Variants in DDO observed in about 807,000 individuals in gnomAD.
DDO encodes the protein D-aspartate oxidase, also known as D-aspartate oxidase, DDO.
In DDO, 16 loss-of-function variants were observed where a neutral mutation model predicts 16.8. The observed-to-expected ratio is 0.95, with a 90% CI of 0.65 to 1.45. The LOEUF is 1.45. Among genes scored for constraint, DDO ranks in the 40% most tolerant of loss-of-function variants. The pLI, the probability that DDO is intolerant of heterozygous loss-of-function variation, is 0.00. For synonymous variants in DDO, 180 were observed against 167.2 expected (o/e 1.08, Z -0.59); for missense variants, 429 against 420.3 (o/e 1.02, Z -0.18).
chr6:110,404,455 T>G (rs1357927292), intron 4 of DDO, among the ~76,000 whole-genome samples: 2 of 152,214 alleles, frequency 1.3e-5, no homozygotes, highest in African/African-American at 4.8e-5. Flanking sequence ...ACTGTTCCAT[T>G]TTACAGATGA....
At position 110,412,847 on chromosome 6, in the gene DDO, G is replaced by A. The variant is rs188728553; in HGVS notation, c.172+444C>T. Among the ~76,000 whole-genome samples the A allele has an allele frequency of 2.6e-4, 39 of 152,302 alleles. 2 individuals are homozygous for A. In the South Asian group the frequency reaches 5.6e-3, roughly 22 times the overall value. On this transcript the variant is annotated intron_variant, in intron 2 of 4. Coordinates refer to ENST00000368924, the MANE Select transcript of DDO (RefSeq NM_001372108.2). ...GGCTGTCCTAAGAGATGAACCAACA[G>A]GATGTTAAAACCGCACATTATGGCC... is the stretch of plus-strand genomic sequence containing the variant.
Position 110,392,873 on chromosome 6 carries a change from C to A in DDO, c.928G>T (p.Gly310Cys), listed in dbSNP as rs754054554. Residue 310 changes from glycine (G) to cysteine (C), a missense_variant, in exon 5 of 5, where the codon GGC (glycine) becomes TGC (cysteine). Physicochemically the swap from Gly to Cys is radical, Grantham distance 159. Coordinates refer to ENST00000368924, the MANE Select transcript of DDO (RefSeq NM_001372108.2). ...GCAGTGCCCCAGTGCACTGAGATGC[C>A]CCCACTCCCATGGCCATAGTGGTGG... is the stretch of plus-strand genomic sequence containing the variant. ...VVHHYGHGSGGISVHWGTALE... is the reference protein window; with the variant it reads ...VVHHYGHGSGCISVHWGTALE... 59 of 1,614,138 alleles carry A rather than the reference C, an allele frequency of 3.7e-5. No homozygotes were observed. The East Asian group carries it at 1.2e-3, about 32-fold the overall frequency.
chr6:110,391,447 T>C (rs941643847), downstream of DDO, among the ~76,000 whole-genome samples: 1 of 150,228 alleles, frequency 6.7e-6, no homozygotes, highest in African/African-American at 2.5e-5. Context: ...TCTCCCGGGT[T>C]CAAGTAGCTT....
chr6:110,400,819 G>A (rs1318426899), intron 4 of DDO, among the ~76,000 whole-genome samples: 1 of 152,228 alleles, frequency 6.6e-6, no homozygotes, highest in Non-Finnish European at 1.5e-5. Context: ...GCTCATCTGA[G>A]CCGCACCTTC....
At chr6:110,409,496 A>G (rs972629522) in intron 2 of DDO, among the ~76,000 whole-genome samples, 5 of 152,130 alleles carry the variant, frequency 3.3e-5, no homozygotes, top group Non-Finnish European at 7.4e-5. Flanking sequence ...AACAGATAGA[A>G]AGATCTTTGG....
intron 3 of DDO, among the ~76,000 whole-genome samples, chr6:110,407,709 CA>C (rs1468950154): frequency 6.6e-6 from 1 of 152,184 alleles, no homozygotes; most frequent in Non-Finnish European, 1.5e-5. Flanking sequence ...TAAAAGATGT[CA>C]TGTTTTAAGT....
At chr6:110,398,649 G>T (rs1021552599) in intron 4 of DDO, among the ~76,000 whole-genome samples, 13 of 152,178 alleles carry the variant, frequency 8.5e-5, no homozygotes, top group Non-Finnish European at 1.5e-4. Context: ...TGGCTAATGG[G>T]GCTAATGATG....
intron 4 of DDO, among the ~76,000 whole-genome samples, chr6:110,396,386 G>A (rs1773292067): frequency 6.6e-6 from 1 of 152,216 alleles, no homozygotes; most frequent in Non-Finnish European, 1.5e-5. Flanking sequence ...AGCACCCTTA[G>A]GAGGCAAGAA....
chr6:110,402,062 GACAT>G (rs1401707510), intron 4 of DDO, among the ~76,000 whole-genome samples: 1 of 152,134 alleles, frequency 6.6e-6, no homozygotes, highest in Non-Finnish European at 1.5e-5. Flanking sequence ...CCAACTGAGG[GACAT>G]TCTATTATAT....
chr6:110,414,820 T>G (rs1773990677), intron 1 of DDO, among the ~76,000 whole-genome samples: 1 of 152,270 alleles, frequency 6.6e-6, no homozygotes, highest in African/African-American at 2.4e-5. Context: ...ATCAGGGTAC[T>G]GGGCCACATG....
chr6:110,399,692 T>C (rs1003851007), intron 4 of DDO, among the ~76,000 whole-genome samples: 12 of 152,190 alleles, frequency 7.9e-5, no homozygotes, highest in African/African-American at 2.9e-4. Flanking sequence ...TGCAGGGAGC[T>C]AATCTGCATG....
chr6:110,405,009 A>C (rs2114828914), intron 3 of DDO, 59 bp from the exon 4 acceptor site: 24 of 1,456,642 alleles, frequency 1.6e-5, no homozygotes, highest in East Asian at 4.5e-5. Flanking sequence ...TATTTCTAGT[A>C]AACTTCACAT....
Position 110,401,860 on chromosome 6 carries a change from G to A in DDO, c.458+2914C>T, listed in dbSNP as rs573706963. The stretch of plus-strand genomic sequence containing the variant: ...CAACAAAATATTTAGTAATTACAAA[G>A]AGAAAAAGTAGTAACCTCACAGTAG... On this transcript the variant is annotated intron_variant, in intron 4 of 4. Transcript: ENST00000368924. Among the ~76,000 whole-genome samples, 9 of 152,274 alleles carry A rather than the reference G, an allele frequency of 5.9e-5. No individual in the cohort carries two copies. In the East Asian group the frequency reaches 1.2e-3, roughly 20 times the overall value.
At position 110,408,610 on chromosome 6, in the gene DDO, C is replaced by T. The variant is rs559326201; in HGVS notation, c.173-168G>A. ...AAAGTGCCACATTGTGGCAGAGGAT[C>T]TGTCAGCAACAAGAGATTTGCATGT... On this transcript the variant is annotated intron_variant, in intron 2 of 4. Transcript: ENST00000368924. 2.7e-4 allele frequency among the ~76,000 whole-genome samples: 39 copies of T among 142,454 alleles called. No individual in the cohort carries two copies. In the South Asian group the frequency reaches 7.4e-3, roughly 27 times the overall value. 93.5% of individuals were successfully genotyped at this position (142,454 alleles called of 152,430 possible). A position where few individuals can be genotyped will look rare whatever the true frequency, so the allele number is the denominator to read the frequency against.
Position 110,391,966 on chromosome 6 carries a change from A to G in DDO, c.*809T>C, listed in dbSNP as rs1773113554. The G allele has an allele frequency of 6.3e-6, 1 of 158,856 alleles. No individual in the cohort carries two copies. Among genetic ancestry groups the G allele is most frequent in the African/African-American group, 2.4e-5 (1 of 41,546 alleles). 9.8% of individuals were successfully genotyped at this position (158,856 alleles called of 1,614,324 possible). Reference sequence around the variant, plus strand: ...CTTCAAAAATGCTTAGGCAAAGCCAACCATACCACAAACCAGCTCTCAATC... The same window carrying G: ...CTTCAAAAATGCTTAGGCAAAGCCAGCCATACCACAAACCAGCTCTCAATC... On this transcript the variant is annotated 3_prime_UTR_variant, in exon 5 of 5. Transcript: ENST00000368924.
intron 3 of DDO, among the ~76,000 whole-genome samples, chr6:110,406,684 G>A (rs992038318): frequency 1.3e-5 from 2 of 152,138 alleles, no homozygotes; most frequent in Non-Finnish European, 2.9e-5. Flanking sequence ...TCAGGTCTAG[G>A]TGTATGCTGT....
intron 4 of DDO, among the ~76,000 whole-genome samples, chr6:110,398,419 CA>C (rs57766403): frequency 2.9e-4 from 39 of 135,742 alleles, no homozygotes; most frequent in African/African-American, 1.4e-3. Flanking sequence ...CACACACACA[CA>C]CACACACTTG....
At chr6:110,400,667 AT>A (rs1773457338) in intron 4 of DDO, among the ~76,000 whole-genome samples, 1 of 152,226 alleles carries the variant, frequency 6.6e-6, no homozygotes, top group Non-Finnish European at 1.5e-5. Context: ...GGAGTTAAGC[AT>A]TTGCATTTCA....
rs1313896676 is a variant in DDO, at chr6:110,393,030, T to C, written c.771A>G (p.Arg257=). 6.2e-7 allele frequency: 1 copy of C among 1,611,352 alleles called. No homozygotes were observed. The highest frequency in any genetic ancestry group is 2.2e-5 in the East Asian group (1 of 44,798). The part of the protein sequence containing the change: ...DAENSREILS[R]CCALEPSLHG... ...GGAGGGAGGGCTCCAGAGCACAGCA[T>C]CGGGAAAGAATCTCTCTGCTATTTT... The change falls in exon 5 of 5, where the codon CGA becomes CGG. Residue 257 remains arginine (R), a synonymous_variant. Transcript: ENST00000368924.
Sources: allele counts gnomAD v4.1 joint callset (sites outside exome capture counted in the v4.1 genomes callset), GRCh38; gene constraint gnomAD v4.1.1; transcripts MANE v1.5; gene names NCBI Gene and HGNC (gene_info 2026-07-23, HGNC 2026-07-21).